SOBP: variants seen among roughly 807,000 people sequenced by gnomAD.
SOBP encodes the protein sine oculis-binding protein homolog.
SOBP carries 4 observed loss-of-function variants against 53.6 expected under a neutral mutation model. That is an observed-to-expected ratio of 0.07 (90% CI 0.04 to 0.17). The LOEUF is 0.17. Ranked by LOEUF, SOBP falls within the 10% of genes least tolerant of loss-of-function variation. SOBP has a pLI of 1.00. For missense variants in SOBP, 1,088 were observed against 1,204.7 expected (o/e 0.90, Z 1.43); for synonymous variants, 584 against 522.6 (o/e 1.12, Z -1.60).
At chr6:107,553,436 C>T (rs1174823200) in intron 4 of SOBP, among the ~76,000 whole-genome samples, 1 of 151,660 alleles carries the variant, frequency 6.6e-6, no homozygotes, top group East Asian at 1.9e-4. Context: ...TCAAGTGATT[C>T]TCCTGCCTCA....
intron 6 of SOBP, among the ~76,000 whole-genome samples, chr6:107,656,877 A>G (rs148648701): frequency 3.8e-4 from 58 of 152,330 alleles, no homozygotes; most frequent in African/African-American, 1.3e-3. Context: ...TCATTGTTCT[A>G]AGAATAATCT....
intron 3 of SOBP, among the ~76,000 whole-genome samples, chr6:107,508,919 A>G (rs555846176): frequency 1.3e-5 from 2 of 152,330 alleles, no homozygotes; most frequent in Admixed American, 6.5e-5. Context: ...GTAAGGTAGT[A>G]TGAGTAAGTG....
intron 4 of SOBP, among the ~76,000 whole-genome samples, chr6:107,534,685 T>C (rs550706435): frequency 5.3e-5 from 8 of 152,300 alleles, no homozygotes; most frequent in African/African-American, 1.9e-4. Flanking sequence ...GCCAAAAGAA[T>C]TAGGCTGCAG....
At chr6:107,591,979 T>TG (rs1562086420) in intron 5 of SOBP, among the ~76,000 whole-genome samples, 6 of 147,178 alleles carry the variant, frequency 4.1e-5, no homozygotes, top group African/African-American at 1.5e-4. Flanking sequence ...TTTTTTTTTT[T>TG]TTTTTTTTTT....
chr6:107,577,535 T>C (rs1785266625), intron 4 of SOBP, among the ~76,000 whole-genome samples: 1 of 152,238 alleles, frequency 6.6e-6, no homozygotes, highest in Admixed American at 6.5e-5. Flanking sequence ...TGCATTTATA[T>C]ACCGAATGCC....
chr6:107,634,011 C>G lies in SOBP; in HGVS notation c.1167C>G (p.Asn389Lys). The change falls in exon 6 of 7, where the codon AAC (asparagine) becomes AAG (lysine). Residue 389 changes from asparagine (N) to lysine (K), a missense_variant. Transcript: ENST00000317357. The surrounding 1 kb of genome is among the most constrained non-coding windows in gnomAD (Gnocchi z 4.5). ...GGAGCCCTCCCATGGTGATGACCAA[C>G]CGCGGCCCGGTGCCGCTGCCCATCT... Reference protein sequence around the residue: ...PPRSPPMVMTNRGPVPLPIFM... With the variant: ...PPRSPPMVMTKRGPVPLPIFM... The G allele has an allele frequency of 6.2e-7, 1 of 1,613,074 alleles. No individual in the cohort carries two copies. Among genetic ancestry groups the G allele is most frequent in the African/African-American group, 1.3e-5 (1 of 75,062 alleles).
Position 107,490,611 on chromosome 6 carries a change from A to T in SOBP, c.-6A>T, listed in dbSNP as rs550082211. ...TTTCATCTCCACAGAAACCAGACACAAAAACATGGCAGAAATGGAGAAAGA... is the reference window on the plus strand; with the variant it reads ...TTTCATCTCCACAGAAACCAGACACTAAAACATGGCAGAAATGGAGAAAGA... On this transcript the variant is annotated 5_prime_UTR_variant, in exon 1 of 7. Coordinates refer to ENST00000317357, the MANE Select transcript of SOBP (RefSeq NM_018013.4). The T allele has an allele frequency of 6.3e-7, 1 of 1,599,278 alleles. No homozygotes were observed. The highest frequency in any genetic ancestry group is 1.3e-5 in the African/African-American group (1 of 74,690).
chr6:107,608,047 A>G lies in SOBP; in HGVS notation c.669+20872A>G, dbSNP rs559916135. Among the ~76,000 whole-genome samples, 3 of 152,348 alleles carry G rather than the reference A, an allele frequency of 2.0e-5. No homozygotes were observed. The East Asian group carries it at 5.8e-4, about 29-fold the overall frequency. On this transcript the variant is annotated intron_variant, in intron 5 of 6. Coordinates refer to ENST00000317357, the MANE Select transcript of SOBP (RefSeq NM_018013.4). ...TGGGTTGTGAATGCCATCTAAGGTA[A>G]GAGCCTTATGATGACTGACACTTTG...
At chr6:107,499,583 A>G (rs940883774) in intron 1 of SOBP, among the ~76,000 whole-genome samples, 1 of 152,238 alleles carries the variant, frequency 6.6e-6, no homozygotes, top group Non-Finnish European at 1.5e-5. Flanking sequence ...TTGATGATTT[A>G]TGGGAGCAAT....
At chr6:107,501,356 T>A (rs1248858152) in intron 1 of SOBP, among the ~76,000 whole-genome samples, 2 of 152,200 alleles carry the variant, frequency 1.3e-5, no homozygotes, top group Admixed American at 1.3e-4. Flanking sequence ...CAAATCTATA[T>A]CCTTGGCTAG....
Position 107,490,254 on chromosome 6 carries a change from C to CCGGCGGCGG in SOBP, c.-353_-345dup, listed in dbSNP as rs761084632. On this transcript the variant is annotated 5_prime_UTR_variant, in exon 1 of 7. Coordinates refer to ENST00000317357, the MANE Select transcript of SOBP (RefSeq NM_018013.4). Reference sequence around the variant, plus strand: ...CTCCACGGGGCCCCGAGGATGCGGCCCGGCGGCGGCGGCGGCGGGAGCGGC... The same window carrying CCGGCGGCGG: ...CTCCACGGGGCCCCGAGGATGCGGCCCGGCGGCGGCGGCGGCGGCGGCGGCGGGAGCGGC... 1 of 148,370 alleles carries CCGGCGGCGG rather than the reference C, an allele frequency of 6.7e-6. No individual in the cohort carries two copies. Among genetic ancestry groups the CCGGCGGCGG allele is most frequent in the African/African-American group, 2.4e-5 (1 of 40,896 alleles). The allele number at this position is 148,370 out of a possible 1,614,324, so 9.2% of individuals were successfully genotyped here. A position where few individuals can be genotyped will look rare whatever the true frequency, so the allele number is the denominator to read the frequency against.
At chr6:107,554,684 G>A (rs1784557088) in intron 4 of SOBP, among the ~76,000 whole-genome samples, 1 of 152,196 alleles carries the variant, frequency 6.6e-6, no homozygotes. Context: ...GGTTTGGTGG[G>A]TCATTGTGGC....
At chr6:107,593,105 A>G (rs1198749645) in intron 5 of SOBP, among the ~76,000 whole-genome samples, 1 of 152,074 alleles carries the variant, frequency 6.6e-6, no homozygotes, top group Non-Finnish European at 1.5e-5. Context: ...GTTGGCTCCC[A>G]TTTCTGCCAT....
chr6:107,508,657 T>G (rs1368380426), intron 3 of SOBP, among the ~76,000 whole-genome samples: 1 of 152,226 alleles, frequency 6.6e-6, no homozygotes, highest in Admixed American at 6.5e-5. Context: ...CAAAATCACT[T>G]GTAATTGTGT....
At chr6:107,601,396 A>G (rs551137268) in intron 5 of SOBP, among the ~76,000 whole-genome samples, 2 of 152,348 alleles carry the variant, frequency 1.3e-5, no homozygotes, top group South Asian at 4.1e-4. Flanking sequence ...CCGCATATTC[A>G]TGTGTATGTT....
intron 5 of SOBP, among the ~76,000 whole-genome samples, chr6:107,628,235 A>G (rs1770548176): frequency 6.6e-6 from 1 of 152,210 alleles, no homozygotes; most frequent in Admixed American, 6.5e-5. Flanking sequence ...CTGGCCTTGG[A>G]AAAATAAGAG....
At chr6:107,611,704 C>T (rs146628219) in intron 5 of SOBP, among the ~76,000 whole-genome samples, 61 of 152,244 alleles carry the variant, frequency 4.0e-4, no homozygotes, top group African/African-American at 1.2e-3. Context: ...CTGTTCTTTC[C>T]GGTCAAGAAG....
chr6:107,634,642 G>T lies in SOBP; in HGVS notation c.1798G>T (p.Gly600Cys). ...GTCCAAGTCCGCGGACTCGCCCCCC[G>T]GCTGCTCGGGCCAGGCCCTGAGCCT... ...GSSKSADSPP[G>C]CSGQALSLAP... The change falls in exon 6 of 7, where the codon GGC becomes TGC. Residue 600 changes from glycine (G) to cysteine (C), a missense_variant. By Grantham distance (159) the Gly-to-Cys change is radical. This residue lies in a region of SOBP where 665 missense variants were observed against 629.7 expected (regional missense o/e 1.06). Transcript: ENST00000317357. The surrounding 1 kb of genome is among the most constrained non-coding windows in gnomAD (Gnocchi z 4.5). 1 of 1,570,980 alleles carries T rather than the reference G, an allele frequency of 6.4e-7. No individual in the cohort carries two copies.
chr6:107,572,751 G>A (rs1321531860), intron 4 of SOBP, among the ~76,000 whole-genome samples: 4 of 152,188 alleles, frequency 2.6e-5, no homozygotes, highest in African/African-American at 9.7e-5. Flanking sequence ...GCTCTGCTGA[G>A]CACTGAGCAC....
Sources: gnomAD v4.1 joint callset for allele counts (sites outside exome capture counted in the v4.1 genomes callset) on GRCh38, gnomAD v4.1.1 for gene constraint, gnomAD v4.1.1 regional missense constraint, Gnocchi (gnomAD v3.1) non-coding constraint, MANE v1.5 for transcripts, NCBI Gene and HGNC (gene_info 2026-07-23, HGNC 2026-07-21) for gene names.